Variants in ZNF334 observed in about 807,000 individuals in gnomAD.
ZNF334 encodes the protein zinc finger protein 334.
ZNF334 carries 14 observed loss-of-function variants against 12.4 expected under a neutral mutation model. The ratio of observed to expected loss-of-function variants is 1.13; its 90% CI spans 0.74 to 1.76. ZNF334 has a LOEUF of 1.76. ZNF334 is among the 40% of genes most tolerant of loss of function. ZNF334 has a pLI of 0.00. For synonymous variants in ZNF334, 273 were observed against 269.6 expected, an observed-to-expected ratio of 1.01 and a Z score of -0.12; for missense variants, 797 against 804.5, an observed-to-expected ratio of 0.99 and a Z score of 0.11.
chr20:46,501,242 T>G lies in ZNF334; in HGVS notation c.*54A>C. 1 of 1,563,516 alleles carries G rather than the reference T, an allele frequency of 6.4e-7. No homozygotes were observed. Among genetic ancestry groups the G allele is most frequent in the Non-Finnish European group, 8.6e-7 (1 of 1,156,686 alleles). On this transcript the variant is annotated 3_prime_UTR_variant, in exon 5 of 5. Coordinates refer to ENST00000692313, the MANE Select transcript of ZNF334 (RefSeq NM_001353824.2). Reference sequence around the variant, plus strand: ...CTCTATACATACTCACAGTTTAGCATTGTGTAAGTTATTTGATTTGTTGCT... The same window carrying G: ...CTCTATACATACTCACAGTTTAGCAGTGTGTAAGTTATTTGATTTGTTGCT...
In ZNF334 at chr20:46,504,953, C is replaced by T. The variant is rs191361647; in HGVS notation, c.22-213G>A. The T allele has an allele frequency of 3.8e-5, 16 of 422,522 alleles. No homozygotes were observed. In the East Asian group the frequency reaches 5.8e-4, roughly 15 times the overall value. 26.2% of individuals were successfully genotyped at this position (422,522 alleles called of 1,614,324 possible). ...GCTTATACCATGTCCTGGAGCTATT[C>T]CAATTGCCTGGATTACTAATCACAT... is the stretch of plus-strand genomic sequence containing the variant. On this transcript the variant is annotated intron_variant, in intron 2 of 4. Transcript: ENST00000692313.
rs994697367 is a variant in ZNF334 at position 46,507,430 on chromosome 20, T to C, written c.22-2690A>G. Among the ~76,000 whole-genome samples, 9 of 152,320 alleles carry C rather than the reference T, an allele frequency of 5.9e-5. No individual in the cohort carries two copies. In the South Asian group the frequency reaches 1.2e-3, roughly 21 times the overall value. On this transcript the variant is annotated intron_variant, in intron 2 of 4. Coordinates refer to ENST00000692313, the MANE Select transcript of ZNF334 (RefSeq NM_001353824.2). ...GTTGGATCCTTGAACTGAAAAAGGA[T>C]ATTATGGAAAATAATAAGCAGAATT...
chr20:46,507,362 G>C (rs2061472556), intron 2 of ZNF334, among the ~76,000 whole-genome samples: 2 of 152,170 alleles, frequency 1.3e-5, no homozygotes, highest in African/African-American at 4.8e-5. Context: ...TGGGTTGCAA[G>C]AGGCTAAGGA....
chr20:46,481,839 G>A, the ZNF334 span, among the ~76,000 whole-genome samples: 992 of 152,286 alleles, frequency 6.5e-3, 4 homozygotes, highest in Middle Eastern at 0.024. Context: ...GTGGTAGAAT[G>A]AACAATCTCC....
chr20:46,486,928 G>C, the ZNF334 span, among the ~76,000 whole-genome samples: 1 of 151,926 alleles, frequency 6.6e-6, no homozygotes, highest in Non-Finnish European at 1.5e-5. Flanking sequence ...TCACTATTCA[G>C]CTTTTTTGAA....
chr20:46,494,223 C>T, the ZNF334 span, among the ~76,000 whole-genome samples: 4 of 152,168 alleles, frequency 2.6e-5, no homozygotes, highest in Non-Finnish European at 2.9e-5. Flanking sequence ...TTCTCATAAA[C>T]GTCGGTGGCA....
At chr20:46,492,364 A>C in the ZNF334 span, 3 of 153,106 alleles carry the variant, frequency 2.0e-5, no homozygotes, top group South Asian at 4.1e-4. Context: ...AACATCAGAA[A>C]ACCCATTCTA....
intron 3 of ZNF334, 106 bp from the exon 4 acceptor site, chr20:46,504,412 C>A (rs1316064667): frequency 2.5e-6 from 3 of 1,178,164 alleles, no homozygotes; most frequent in Admixed American, 2.2e-5. Context: ...AGATGCCCAG[C>A]AATAGCTCAG....
Position 46,501,494 on chromosome 20 carries a change from G to T in ZNF334, c.1845C>A (p.Phe615Leu). ...CGKSFCHKSA[F>L]RVHRRIHTGE... Reference sequence around the variant, plus strand: ...CTGTGTGAATTCTTCTATGGACTCTGAAGGCTGACTTATGGCAGAAGGATT... The same window carrying T: ...CTGTGTGAATTCTTCTATGGACTCTTAAGGCTGACTTATGGCAGAAGGATT... Residue 615 changes from phenylalanine to leucine, a missense_variant, in exon 5 of 5, where the codon TTC (phenylalanine) becomes TTA (leucine). Transcript: ENST00000692313. The T allele has an allele frequency of 3.1e-6, 5 of 1,614,124 alleles. No homozygotes were observed. The highest frequency in any genetic ancestry group is 4.2e-6 in the Non-Finnish European group (5 of 1,179,990).
the ZNF334 span, among the ~76,000 whole-genome samples, chr20:46,470,816 A>G: frequency 2.6e-5 from 4 of 152,196 alleles, no homozygotes; most frequent in African/African-American, 9.6e-5. Context: ...ACTGTACAAT[A>G]TTTCAGTATA....
rs904581251 is a variant in ZNF334, at chr20:46,504,224, C to T, written c.231G>A (p.Gln77=). Residue 77 remains glutamine, a synonymous_variant, in exon 4 of 5, where the codon CAG becomes CAA. Transcript: ENST00000692313. ...EPWIVEEFSN[Q]NYPDIDDALE... ...TTATCATTTACTTACCTGGGTAGTT[C>T]TGATTTGAGAATTCCTCCACTATCC... is the stretch of plus-strand genomic sequence containing the variant. The T allele has an allele frequency of 8.7e-6, 14 of 1,610,404 alleles. No homozygotes were observed. In the Admixed American group the frequency reaches 1.3e-4, roughly 15 times the overall value.
At chr20:46,475,393 A>G in the ZNF334 span, among the ~76,000 whole-genome samples, 1 of 152,160 alleles carries the variant, frequency 6.6e-6, no homozygotes, top group Non-Finnish European at 1.5e-5. Context: ...AAACAAAAAC[A>G]TGATCCATAA....
the ZNF334 span, chr20:46,484,932 A>G: frequency 6.0e-6 from 1 of 166,610 alleles, no homozygotes. Context: ...GAGATTCCTC[A>G]TCACTAAAAA....
At chr20:46,483,667 C>T in the ZNF334 span, among the ~76,000 whole-genome samples, 2 of 152,084 alleles carry the variant, frequency 1.3e-5, no homozygotes, top group African/African-American at 4.8e-5. Flanking sequence ...GTAAACATTC[C>T]CATATTTGCA....
the ZNF334 span, among the ~76,000 whole-genome samples, chr20:46,481,654 C>A: frequency 5.3e-5 from 8 of 152,168 alleles, no homozygotes; most frequent in Non-Finnish European, 1.0e-4. Flanking sequence ...AGGGCACAGG[C>A]AGTCAGGTGG....
intron 2 of ZNF334, among the ~76,000 whole-genome samples, chr20:46,509,107 C>T (rs1205423834): frequency 6.6e-6 from 1 of 152,162 alleles, no homozygotes; most frequent in African/African-American, 2.4e-5. Flanking sequence ...GTATAAACAC[C>T]AGACTCCTCT....
the ZNF334 span, among the ~76,000 whole-genome samples, chr20:46,493,311 T>C: frequency 6.6e-6 from 1 of 152,136 alleles, no homozygotes; most frequent in Non-Finnish European, 1.5e-5. Context: ...AATTTAAGCG[T>C]AAGTAAGGAA....
At chr20:46,496,193 G>A (rs530296612), downstream of ZNF334, among the ~76,000 whole-genome samples, 9 of 152,176 alleles carry the variant, frequency 5.9e-5, no homozygotes, top group African/African-American at 1.4e-4. Flanking sequence ...TTCATTATAC[G>A]GTCTCCATGA....
Position 46,499,816 on chromosome 20 carries a change from T to C in ZNF334, c.*1480A>G, listed in dbSNP as rs558165204. On this transcript the variant is annotated 3_prime_UTR_variant, in exon 5 of 5. Transcript: ENST00000692313. ...ACTTACATATATTAACACATGTATATGTGTGTATACATACATTTATCTGTC... is the reference window on the plus strand; with the variant it reads ...ACTTACATATATTAACACATGTATACGTGTGTATACATACATTTATCTGTC... 1 of 152,340 alleles carries C rather than the reference T, an allele frequency of 6.6e-6. No homozygotes were observed. Among genetic ancestry groups the C allele is most frequent in the East Asian group, 1.9e-4 (1 of 5,192 alleles). The allele number at this position is 152,340 out of a possible 1,614,324, so 9.4% of individuals were successfully genotyped here.
Sources: gnomAD v4.1 joint callset for allele counts (sites outside exome capture counted in the v4.1 genomes callset) on GRCh38, gnomAD v4.1.1 for gene constraint, MANE v1.5 for transcripts, NCBI Gene and HGNC (gene_info 2026-07-23, HGNC 2026-07-21) for gene names.